The following RUFY4 variants were observed in gnomAD, a reference collection of about 807,000 sequenced individuals.
RUFY4 encodes RUN and FYVE domain containing 4, also known as RUN and FYVE domain-containing protein 4.
RUFY4 carries 73 observed loss-of-function variants against 69.0 expected under a neutral mutation model. The ratio of observed to expected loss-of-function variants is 1.06; its 90% CI spans 0.88 to 1.29. The LOEUF is 1.29. RUFY4 is among the 50% of genes most tolerant of loss of function. The pLI, the probability that RUFY4 is intolerant of heterozygous loss-of-function variation, is 0.00. For missense variants in RUFY4, 770 were observed against 705.6 expected, an observed-to-expected ratio of 1.09 and a Z score of -1.03; for synonymous variants, 287 against 271.8, an observed-to-expected ratio of 1.06 and a Z score of -0.55.
At chr2:218,078,622 CA>C (rs1169974821) in intron 8 of RUFY4, among the ~76,000 whole-genome samples, 3 of 152,074 alleles carry the variant, frequency 2.0e-5, no homozygotes, top group African/African-American at 7.2e-5. Context: ...TTTTTAATGT[CA>C]AAAAGATGTT....
chr2:218,075,119 A>G, exon 7 of RUFY4: 1 of 1,542,644 alleles, frequency 6.5e-7, no homozygotes, highest in Non-Finnish European at 8.8e-7. Flanking sequence ...GAGGGCCTGA[A>G]AATGTCCAGA....
intron 3 of RUFY4, among the ~76,000 whole-genome samples, chr2:218,062,532 G>A (rs984513215): frequency 6.6e-6 from 1 of 152,004 alleles, no homozygotes; most frequent in Non-Finnish European, 1.5e-5. Context: ...GCAACACGGT[G>A]AAACCCCATC....
At chr2:218,073,252 T>C in exon 5 of RUFY4, 1 of 1,551,522 alleles carries the variant, frequency 6.4e-7, no homozygotes, top group Non-Finnish European at 8.7e-7. Flanking sequence ...GGGAATGGTA[T>C]GGACCCCGGA....
At chr2:218,083,057 G>T in intron 8 of RUFY4, 53 bp from the exon 11 acceptor site, 3 of 1,489,618 alleles carry the variant, frequency 2.0e-6, no homozygotes, top group Non-Finnish European at 2.7e-6. Flanking sequence ...CCTAGCTCAG[G>T]CACAAAGGCT....
chr2:218,052,501 G>T (rs1345303962), intron 2 of RUFY4, among the ~76,000 whole-genome samples: 3 of 152,088 alleles, frequency 2.0e-5, no homozygotes, highest in Admixed American at 6.6e-5. Flanking sequence ...TGCCTTCCAG[G>T]TTATCCAAAT....
intron 2 of RUFY4, among the ~76,000 whole-genome samples, chr2:218,045,814 T>TG (rs1426127152): frequency 3.3e-5 from 5 of 152,084 alleles, no homozygotes; most frequent in Non-Finnish European, 5.9e-5. Flanking sequence ...AGTGATTTTT[T>TG]TTTTTTTTGA....
intron 8 of RUFY4, among the ~76,000 whole-genome samples, chr2:218,080,595 G>A (rs1689738728): frequency 2.0e-5 from 3 of 152,218 alleles, no homozygotes; most frequent in Admixed American, 2.0e-4. Flanking sequence ...GCAGGTGGGT[G>A]TCCTCTGCGC....
At position 218,077,368 on chromosome 2, in the gene RUFY4, T is replaced by TTC. The variant is rs145178342; in HGVS notation, c.1355+853_1355+854dup. ...AGTCCTCAGTCTCTCAGGTCTCAGT[T>TTC]TCTCTCTCTCTCTCTCTCTTTCTTT... On this transcript the variant is annotated intron_variant, in intron 8 of 10. Coordinates refer to ENST00000344321, the Ensembl canonical transcript of RUFY4. 9.4e-4 allele frequency among the ~76,000 whole-genome samples: 141 copies of TTC among 150,700 alleles called. 2 individuals carry two copies. Among genetic ancestry groups the TTC allele is most frequent in the African/African-American group, 2.5e-3 (102 of 41,182 alleles).
chr2:218,061,002 C>T (rs556537062), intron 3 of RUFY4: 21 of 759,616 alleles, frequency 2.8e-5, no homozygotes, highest in African/African-American at 1.7e-4. Context: ...GTCCATGCTG[C>T]GGCAGGCCAG....
chr2:218,042,335 T>C (rs1250443817), intron 2 of RUFY4, among the ~76,000 whole-genome samples: 1 of 152,272 alleles, frequency 6.6e-6, no homozygotes, highest in Non-Finnish European at 1.5e-5. Flanking sequence ...TTCTGATTTG[T>C]TAACATAGAA....
rs138334860 is a variant in RUFY4 at position 218,085,955 on chromosome 2, T to C, written c.1502+2699T>C. Among the ~76,000 whole-genome samples, 12 of 152,236 alleles carry C rather than the reference T, an allele frequency of 7.9e-5. No individual in the cohort carries two copies. The East Asian group carries it at 2.3e-3, about 29-fold the overall frequency. On this transcript the variant is annotated intron_variant, in intron 9 of 10. Transcript: ENST00000344321. ...TGACAACCAAGGATCCCCAGATATT[T>C]GAGGAGAGTCTAGAATATAAAGGGA...
intron 2 of RUFY4, among the ~76,000 whole-genome samples, chr2:218,040,949 T>C (rs1261637164): frequency 6.6e-6 from 1 of 151,984 alleles, no homozygotes; most frequent in African/African-American, 2.4e-5. Flanking sequence ...ATGTCCTTAC[T>C]AGATGCTGGA....
intron 9 of RUFY4, among the ~76,000 whole-genome samples, chr2:218,084,315 T>C (rs1005180149): frequency 3.3e-5 from 5 of 151,800 alleles, no homozygotes; most frequent in African/African-American, 1.2e-4. Flanking sequence ...CACTGCAACC[T>C]CTGCGTCCCG....
chr2:218,075,160 G>T, exon 7 of RUFY4: 1 of 1,556,016 alleles, frequency 6.4e-7, no homozygotes, highest in South Asian at 1.2e-5. Context: ...CAAGCCATCT[G>T]TCTGCAAGAT....
At chr2:218,035,018 C>T (rs1157637441) in exon 1 of RUFY4, 1 of 152,364 alleles carries the variant, frequency 6.6e-6, no homozygotes, top group Non-Finnish European at 1.5e-5. Flanking sequence ...ATTTGGCCAA[C>T]AGGTGACTCT....
intron 2 of RUFY4, among the ~76,000 whole-genome samples, chr2:218,053,486 C>T (rs1688989511): frequency 1.3e-5 from 2 of 151,852 alleles, no homozygotes; most frequent in African/African-American, 4.8e-5. Flanking sequence ...GCTCAGACTA[C>T]AGGCATGCGC....
chr2:218,068,553 C>G (rs1366500587), upstream of RUFY4: 5 of 152,782 alleles, frequency 3.3e-5, no homozygotes, highest in Admixed American at 3.3e-4. Context: ...TTTGTGAAAA[C>G]AGCCGTCCTC....
intron 8 of RUFY4, among the ~76,000 whole-genome samples, chr2:218,081,798 A>T (rs1379478520): frequency 6.6e-6 from 1 of 152,140 alleles, no homozygotes; most frequent in Non-Finnish European, 1.5e-5. Context: ...CAGTGACTGA[A>T]CTCTTTGGAA....
chr2:218,089,511 G>C (rs749988013), intron 10 of RUFY4, 149 bp downstream of exon 12: 7 of 666,500 alleles, frequency 1.1e-5, no homozygotes, highest in Non-Finnish European at 1.9e-5. Context: ...ACCACATCTG[G>C]CTTCCAACAC....
Sources: gnomAD v4.1 joint callset for allele counts (sites outside exome capture counted in the v4.1 genomes callset) on GRCh38, gnomAD v4.1.1 for gene constraint, MANE v1.5 for transcripts, NCBI Gene and HGNC (gene_info 2026-07-23, HGNC 2026-07-21) for gene names.